KLHL18: variants seen among roughly 807,000 people sequenced by gnomAD.
KLHL18 encodes kelch like family member 18.
A neutral mutation model predicts 58.5 loss-of-function variants in KLHL18; 38 were observed. That is an observed-to-expected ratio of 0.65 (90% CI 0.50 to 0.85). The LOEUF (loss-of-function observed/expected upper bound fraction) is 0.85. Among genes scored for constraint, KLHL18 ranks in the 40% least tolerant of loss-of-function variants. The pLI, the probability that KLHL18 is intolerant of heterozygous loss-of-function variation, is 0.00. For synonymous variants in KLHL18, 303 were observed against 301.9 expected, an observed-to-expected ratio of 1.00 and a Z score of -0.04; for missense variants, 624 against 778.4, an observed-to-expected ratio of 0.80 and a Z score of 2.36.
chr3:47,328,715 G>A (rs894876734), intron 3 of KLHL18, among the ~76,000 whole-genome samples: 12 of 152,086 alleles, frequency 7.9e-5, no homozygotes, highest in Non-Finnish European at 1.8e-4. Context: ...CTGTGAGTGC[G>A]TTACTACTTT....
chr3:47,341,918 GGA>G (rs1704117849), intron 8 of KLHL18, among the ~76,000 whole-genome samples: 1 of 141,042 alleles, frequency 7.1e-6, no homozygotes, highest in Non-Finnish European at 1.6e-5. Context: ...AAAAAAAAAA[GGA>G]GAGAGAGAAA....
chr3:47,306,445 T>C (rs1703150186), intron 1 of KLHL18, among the ~76,000 whole-genome samples: 1 of 152,212 alleles, frequency 6.6e-6, no homozygotes, highest in Non-Finnish European at 1.5e-5. Flanking sequence ...TTTTACATTG[T>C]GTTGTGTGTA....
At chr3:47,308,638 G>A (rs1056449132) in intron 1 of KLHL18, among the ~76,000 whole-genome samples, 6 of 152,248 alleles carry the variant, frequency 3.9e-5, no homozygotes, top group Non-Finnish European at 5.9e-5. Flanking sequence ...TGATCCGCCC[G>A]CCTTGGCCTC....
Position 47,343,854 on chromosome 3 carries a change from A to C in KLHL18, c.1638A>C (p.Pro546=), listed in dbSNP as rs373748244. 4.3e-6 allele frequency: 7 copies of C among 1,614,198 alleles called. No homozygotes were observed. In the African/African-American group the frequency reaches 8.0e-5, roughly 18 times the overall value. ...TAAGCTCAGTGGAGATGTATGACCCAGAGACAGACTGCTGGACATTCATGG... is the reference window on the plus strand; with the variant it reads ...TAAGCTCAGTGGAGATGTATGACCCCGAGACAGACTGCTGGACATTCATGG... The part of the protein sequence containing the change: ...SNLSSVEMYD[P]ETDCWTFMAP... The change falls in exon 10 of 10, where the codon CCA becomes CCC. Residue 546 remains proline, a synonymous_variant. Transcript: ENST00000232766.
intron 1 of KLHL18, among the ~76,000 whole-genome samples, chr3:47,299,994 C>T (rs1005834324): frequency 3.3e-5 from 5 of 151,942 alleles, no homozygotes; most frequent in Non-Finnish European, 5.9e-5. Flanking sequence ...TTGCTAGCCT[C>T]CGCAATTGCA....
intron 1 of KLHL18, among the ~76,000 whole-genome samples, chr3:47,304,719 T>G (rs1169320691): frequency 1.3e-5 from 2 of 152,168 alleles, no homozygotes; most frequent in Non-Finnish European, 2.9e-5. Context: ...TTGGATTTTC[T>G]ACATAAACCA....
At chr3:47,330,637 A>G (rs533005313) in intron 4 of KLHL18, among the ~76,000 whole-genome samples, 38 of 151,704 alleles carry the variant, frequency 2.5e-4, no homozygotes, top group Non-Finnish European at 4.4e-4. Context: ...ATTTTTGTCA[A>G]CCTACTCACC....
chr3:47,317,467 G>A (rs1283604971), intron 1 of KLHL18, among the ~76,000 whole-genome samples: 1 of 152,118 alleles, frequency 6.6e-6, no homozygotes, highest in East Asian at 1.9e-4. Flanking sequence ...GGACTACGTG[G>A]GGTTCAGGAA....
rs897575989 is a variant in KLHL18 at position 47,329,923 on chromosome 3, ATTTTTTTTTTC to A, written c.402-24_402-14del. On this transcript the variant is annotated splice_polypyrimidine_tract_variant and intron_variant, in intron 3 of 9. Transcript: ENST00000232766. ...AAAGATAACATCCTTTCTTCCTCTA[ATTTTTTTTTTC>A]TTTCCTTATGCCAAAGGCTTCACCC... The A allele has an allele frequency of 7.6e-6, 11 of 1,451,762 alleles. No individual in the cohort carries two copies. The highest frequency in any genetic ancestry group is 1.0e-5 in the Non-Finnish European group (11 of 1,055,856). 89.9% of individuals were successfully genotyped at this position (1,451,762 alleles called of 1,614,324 possible).
intron 4 of KLHL18, among the ~76,000 whole-genome samples, chr3:47,331,582 GC>G (rs1559501931): frequency 6.6e-6 from 1 of 151,216 alleles, no homozygotes; most frequent in Non-Finnish European, 1.5e-5. Context: ...ACAGGTGTGC[GC>G]CATCATGCCT....
chr3:47,289,743 C>T lies in KLHL18; in HGVS notation c.129+6649C>T, dbSNP rs779647801. 5.3e-5 allele frequency among the ~76,000 whole-genome samples: 8 copies of T among 152,006 alleles called. 1 individual carries two copies. Among genetic ancestry groups the T allele is most frequent in the Non-Finnish European group, 7.3e-5 (5 of 68,028 alleles). Reference sequence around the variant, plus strand: ...GGCTGCAGTGTGAGCCATAGTTGAACGACTGCACTGCAGCCTGGCAATAGC... The same window carrying T: ...GGCTGCAGTGTGAGCCATAGTTGAATGACTGCACTGCAGCCTGGCAATAGC... On this transcript the variant is annotated intron_variant, in intron 1 of 9. Transcript: ENST00000232766.
Position 47,332,473 on chromosome 3 carries a change from G to A in KLHL18, c.601-684G>A, listed in dbSNP as rs58160848. Among the ~76,000 whole-genome samples, 1,060 of 152,260 alleles carry A rather than the reference G, an allele frequency of 7.0e-3. 12 individuals carry two copies. Among genetic ancestry groups the A allele is most frequent in the African/African-American group, 0.024 (1,014 of 41,552 alleles). On this transcript the variant is annotated intron_variant, in intron 4 of 9. Coordinates refer to ENST00000232766, the MANE Select transcript of KLHL18 (RefSeq NM_025010.5). Reference sequence around the variant, plus strand: ...GATGCTAGAGAGGTGAAGCGGGCTTGATAGGAGCCTGGGAGAAAAGTGGAT... The same window carrying A: ...GATGCTAGAGAGGTGAAGCGGGCTTAATAGGAGCCTGGGAGAAAAGTGGAT...
intron 2 of KLHL18, among the ~76,000 whole-genome samples, chr3:47,321,352 T>C (rs903632164): frequency 6.7e-6 from 1 of 149,538 alleles, no homozygotes; most frequent in African/African-American, 2.5e-5. Flanking sequence ...TTTTGTTTTG[T>C]TTTTTTTTTT....
intron 5 of KLHL18, among the ~76,000 whole-genome samples, chr3:47,333,776 C>T (rs1484970787): frequency 6.6e-6 from 1 of 152,174 alleles, no homozygotes; most frequent in Non-Finnish European, 1.5e-5. Context: ...CGATGATGGG[C>T]AAGGGGCAGA....
chr3:47,341,159 C>G (rs978545659), intron 8 of KLHL18, among the ~76,000 whole-genome samples: 1 of 152,164 alleles, frequency 6.6e-6, no homozygotes, highest in African/African-American at 2.4e-5. Context: ...CTCTGTTTAA[C>G]CTCGGGTTTT....
rs1184923335 is a variant in KLHL18 at position 47,310,357 on chromosome 3, C to T, written c.130-9296C>T. Reference sequence around the variant, plus strand: ...CTCCAGACATCTTCCTGCTTCTCTTCTCATTTCCTTTCTGTGTACCTCCCT... The same window carrying T: ...CTCCAGACATCTTCCTGCTTCTCTTTTCATTTCCTTTCTGTGTACCTCCCT... On this transcript the variant is annotated intron_variant, in intron 1 of 9. Coordinates refer to ENST00000232766, the MANE Select transcript of KLHL18 (RefSeq NM_025010.5). 2.0e-5 allele frequency among the ~76,000 whole-genome samples: 3 copies of T among 152,288 alleles called. No individual in the cohort carries two copies. In the East Asian group the frequency reaches 5.8e-4, roughly 29 times the overall value.
At chr3:47,317,656 C>T (rs944628913) in intron 1 of KLHL18, among the ~76,000 whole-genome samples, 1 of 152,090 alleles carries the variant, frequency 6.6e-6, no homozygotes, top group Admixed American at 6.6e-5. Flanking sequence ...TATATACTGA[C>T]AGTATACAGC....
At position 47,312,732 on chromosome 3, in the gene KLHL18, G is replaced by T. The variant is rs185094776; in HGVS notation, c.130-6921G>T. ...TTGTGCTCCCTCCGCCCCCTGAGAG[G>T]CTAGGTTTCATTATGTTGCCCACGC... On this transcript the variant is annotated intron_variant, in intron 1 of 9. Transcript: ENST00000232766. Among the ~76,000 whole-genome samples, 32 of 152,140 alleles carry T rather than the reference G, an allele frequency of 2.1e-4. No homozygotes were observed. In the East Asian group the frequency reaches 5.4e-3, roughly 26 times the overall value.
Position 47,346,138 on chromosome 3 carries a change from T to TC in KLHL18, c.*2198dup, listed in dbSNP as rs1254255644. On this transcript the variant is annotated 3_prime_UTR_variant, in exon 10 of 10. Transcript: ENST00000232766. ...GCCTGGATTGTGAAGGTATTAAGAA[T>TC]CGGTCTGTGGGCTACTGAGTGGGTC... 1 of 152,568 alleles carries TC rather than the reference T, an allele frequency of 6.6e-6. No homozygotes were observed. Among genetic ancestry groups the TC allele is most frequent in the Non-Finnish European group, 1.5e-5 (1 of 68,032 alleles). 9.5% of individuals were successfully genotyped at this position (152,568 alleles called of 1,614,324 possible).
Sources: gnomAD v4.1 joint callset for allele counts (sites outside exome capture counted in the v4.1 genomes callset) on GRCh38, gnomAD v4.1.1 for gene constraint, MANE v1.5 for transcripts, NCBI Gene and HGNC (gene_info 2026-07-23, HGNC 2026-07-21) for gene names.